CNGA3: variants seen among roughly 807,000 people sequenced by gnomAD.
The protein encoded by CNGA3 is cyclic nucleotide gated channel subunit alpha 3.
In CNGA3, 42 loss-of-function variants were observed where a neutral mutation model predicts 46.6. That is an observed-to-expected ratio of 0.90 (90% CI 0.70 to 1.17). The LOEUF (loss-of-function observed/expected upper bound fraction) is 1.17. Ranked by LOEUF, CNGA3 falls within the 50% of genes most tolerant of loss-of-function variation. The probability of loss-of-function intolerance (pLI) is 0.00; values close to 1 mark genes in which losing one functional copy is unlikely to be tolerated. For synonymous variants in CNGA3, 394 were observed against 369.4 expected, an observed-to-expected ratio of 1.07 and a Z score of -0.76; for missense variants, 893 against 890.7, an observed-to-expected ratio of 1.00 and a Z score of -0.03.
chr2:98,353,415 T>C (rs1691811387), intron 1 of CNGA3, among the ~76,000 whole-genome samples: 1 of 152,204 alleles, frequency 6.6e-6, no homozygotes, highest in Non-Finnish European at 1.5e-5. Flanking sequence ...TCAAGTATAA[T>C]ATTTGCATTG....
chr2:98,375,062 T>C (rs972640596), intron 2 of CNGA3, among the ~76,000 whole-genome samples: 8 of 152,214 alleles, frequency 5.3e-5, no homozygotes, highest in Admixed American at 5.2e-4. Context: ...ACCTTTCCAC[T>C]CTGCCTCCTC....
At position 98,396,200 on chromosome 2, in the gene CNGA3, G is replaced by T. The variant is rs369281115; in HGVS notation, c.1030G>T (p.Glu344Ter). 30 of 1,614,018 alleles carry T rather than the reference G, an allele frequency of 1.9e-5. No individual in the cohort carries two copies. The highest frequency in any genetic ancestry group is 2.5e-5 in the Non-Finnish European group (30 of 1,180,026). Residue 344 changes from glutamate (E) to a stop codon, truncating the protein, a stop_gained, in exon 8 of 8, where the codon GAG becomes TAG. Coordinates refer to ENST00000272602, the MANE Select transcript of CNGA3 (RefSeq NM_001298.3). LOFTEE classifies it high-confidence loss of function. ...SWVYPNISIPEHGRLSRKYIY... is the reference protein window; with the variant it reads ...SWVYPNISIP ...GGTCTACCCAAACATCTCAATCCCA[G>T]AGCATGGGCGCCTCTCCAGGAAGTA...
Position 98,396,040 on chromosome 2 carries a change from C to T in CNGA3, c.870C>T (p.Arg290=). 1 of 1,614,220 alleles carries T rather than the reference C, an allele frequency of 6.2e-7. No individual in the cohort carries two copies. Among genetic ancestry groups the T allele is most frequent in the Non-Finnish European group, 8.5e-7 (1 of 1,180,032 alleles). Residue 290 remains arginine (R), a synonymous_variant, in exon 8 of 8, where the codon CGC becomes CGT. Transcript: ENST00000272602. ...CCCGGCTCTTTGAATTCTTTGACCG[C>T]ACAGAGACAAGGACCAACTACCCCA... ...KFSRLFEFFD[R]TETRTNYPNM... is the part of the protein sequence containing the mutation.
intron 1 of CNGA3, among the ~76,000 whole-genome samples, chr2:98,364,865 T>G (rs1692109969): frequency 6.6e-6 from 1 of 152,186 alleles, no homozygotes; most frequent in South Asian, 2.1e-4. Flanking sequence ...CTCCTTTGCT[T>G]ATGAAGTTTA....
intron 1 of CNGA3, among the ~76,000 whole-genome samples, chr2:98,349,170 G>A (rs568525693): frequency 4.5e-4 from 69 of 152,134 alleles, no homozygotes; most frequent in African/African-American, 1.3e-3. Context: ...GCCAGAACCC[G>A]TCACTCAGCC....
intron 2 of CNGA3, among the ~76,000 whole-genome samples, chr2:98,371,137 T>C (rs754039357): frequency 3.3e-5 from 5 of 152,224 alleles, no homozygotes; most frequent in Non-Finnish European, 5.9e-5. Flanking sequence ...GTTTGTTAAA[T>C]GATTAATGAG....
chr2:98,392,599 A>AAAAGAAAAGAAAAGAAAAGAAAAG (rs1558818443), intron 7 of CNGA3, among the ~76,000 whole-genome samples: 13 of 151,352 alleles, frequency 8.6e-5, no homozygotes, highest in African/African-American at 3.2e-4. Context: ...GAAAAGAAAA[A>AAAAGAAAAGAAAAGAAAAGAAAAG]AAAAGAAAAG....
At chr2:98,352,333 G>A (rs555541021) in intron 1 of CNGA3, among the ~76,000 whole-genome samples, 20 of 152,248 alleles carry the variant, frequency 1.3e-4, no homozygotes, top group Admixed American at 6.5e-4. Context: ...TGTAAATAAT[G>A]CTGCTATGAA....
intron 1 of CNGA3, among the ~76,000 whole-genome samples, chr2:98,359,446 G>A (rs907211209): frequency 2.6e-5 from 4 of 152,330 alleles, no homozygotes; most frequent in Admixed American, 6.5e-5. Context: ...GGAAGGATGC[G>A]AGGTAGAGGA....
rs1053678393 is a variant in CNGA3 at position 98,377,949 on chromosome 2, A to C, written c.215+149A>C. 28 of 1,352,554 alleles carry C rather than the reference A, an allele frequency of 2.1e-5. 1 individual carries two copies. The highest frequency in any genetic ancestry group is 3.7e-4 in the Middle Eastern group (2 of 5,356). The allele number at this position is 1,352,554 out of a possible 1,614,324, so 83.8% of individuals were successfully genotyped here. On this transcript the variant is annotated intron_variant, in intron 3 of 7. Coordinates refer to ENST00000272602, the MANE Select transcript of CNGA3 (RefSeq NM_001298.3). ...GGAGCAGAGCAGCCTGAAAACTATCAGTGAGTAATTTCCTCTTGGGTCAGA... is the reference window on the plus strand; with the variant it reads ...GGAGCAGAGCAGCCTGAAAACTATCCGTGAGTAATTTCCTCTTGGGTCAGA...
intron 5 of CNGA3, among the ~76,000 whole-genome samples, chr2:98,385,255 C>T (rs778228966): frequency 4.7e-4 from 72 of 152,198 alleles, no homozygotes; most frequent in Middle Eastern, 3.2e-3. Context: ...AGGGCAGCGC[C>T]GTCTGCTGGT....
At chr2:98,377,822 C>G (rs1188655092) in intron 3 of CNGA3, 22 bp downstream of exon 3, 8 of 1,591,864 alleles carry the variant, frequency 5.0e-6, no homozygotes, top group East Asian at 2.2e-5. Flanking sequence ...GCCTCAGTCC[C>G]TACCTTGGCC....
At chr2:98,373,953 A>C (rs912707417) in intron 2 of CNGA3, among the ~76,000 whole-genome samples, 1 of 152,226 alleles carries the variant, frequency 6.6e-6, no homozygotes, top group Non-Finnish European at 1.5e-5. Context: ...CTCCAGGACC[A>C]AAGGCTTAAA....
intron 1 of CNGA3, among the ~76,000 whole-genome samples, chr2:98,347,690 C>T (rs981644636): frequency 6.6e-6 from 1 of 152,176 alleles, no homozygotes; most frequent in African/African-American, 2.4e-5. Flanking sequence ...GGGAGCAGTC[C>T]CTTGCAGCGA....
chr2:98,354,679 G>A (rs1223531334), intron 1 of CNGA3, among the ~76,000 whole-genome samples: 2 of 152,192 alleles, frequency 1.3e-5, no homozygotes, highest in Admixed American at 1.3e-4. Context: ...CAGCTACTTA[G>A]GAGGCTAAAG....
chr2:98,378,276 T>C, intron 3 of CNGA3: 5 of 1,488,432 alleles, frequency 3.4e-6, no homozygotes, highest in East Asian at 4.9e-5. Context: ...CTCCAAGCTC[T>C]GCTTCCCCCT....
At chr2:98,357,803 G>A (rs191038194) in intron 1 of CNGA3, among the ~76,000 whole-genome samples, 2 of 152,338 alleles carry the variant, frequency 1.3e-5, no homozygotes, top group East Asian at 3.9e-4. Context: ...TCACGCCTGG[G>A]ATCCACTTCA....
At chr2:98,380,606 T>C (rs1692515939) in intron 4 of CNGA3, among the ~76,000 whole-genome samples, 1 of 152,126 alleles carries the variant, frequency 6.6e-6, no homozygotes, top group East Asian at 1.9e-4. Context: ...ACCACTCACC[T>C]TATCCTACAC....
intron 1 of CNGA3, among the ~76,000 whole-genome samples, chr2:98,365,775 T>A (rs1692133815): frequency 6.6e-6 from 1 of 152,184 alleles, no homozygotes; most frequent in South Asian, 2.1e-4. Flanking sequence ...TCTAAACTGG[T>A]TACTCTGGTT....
Sources: allele counts gnomAD v4.1 joint callset (sites outside exome capture counted in the v4.1 genomes callset), GRCh38; gene constraint gnomAD v4.1.1; transcripts MANE v1.5; gene names NCBI Gene and HGNC (gene_info 2026-07-23, HGNC 2026-07-21).